EBF2: variants seen among roughly 807,000 people sequenced by gnomAD.
EBF2 encodes the protein transcription factor COE2.
In EBF2, 21 loss-of-function variants were observed where a neutral mutation model predicts 72.8. That is an observed-to-expected ratio of 0.29 (90% CI 0.20 to 0.42). The LOEUF is 0.42. Among genes scored for constraint, EBF2 ranks in the 10% least tolerant of loss-of-function variants. EBF2 has a pLI of 1.00. For missense variants in EBF2, 637 were observed against 731.2 expected, an observed-to-expected ratio of 0.87 and a Z score of 1.49; for synonymous variants, 299 against 274.2, an observed-to-expected ratio of 1.09 and a Z score of -0.89.
At chr8:25,917,620 T>C (rs1474434651) in intron 6 of EBF2, among the ~76,000 whole-genome samples, 1 of 152,244 alleles carries the variant, frequency 6.6e-6, no homozygotes, top group Non-Finnish European at 1.5e-5. Context: ...TCCGTGAGAC[T>C]TCAGAATCAG....
intron 6 of EBF2, among the ~76,000 whole-genome samples, chr8:26,019,378 G>T (rs139105112): frequency 4.8e-4 from 73 of 152,044 alleles, no homozygotes; most frequent in Non-Finnish European, 5.9e-4. Flanking sequence ...CAGGGAAAAC[G>T]CTCTGAAGAG....
At chr8:25,995,122 A>G (rs536606890) in intron 6 of EBF2, among the ~76,000 whole-genome samples, 23 of 152,114 alleles carry the variant, frequency 1.5e-4, no homozygotes, top group Non-Finnish European at 2.9e-4. Context: ...CCTGACCAAC[A>G]TGGAGAAACC....
At chr8:25,915,222 G>T (rs562813913) in intron 6 of EBF2, among the ~76,000 whole-genome samples, 38 of 152,064 alleles carry the variant, frequency 2.5e-4, no homozygotes, top group African/African-American at 7.5e-4. Flanking sequence ...AATAAGAGTG[G>T]AAGTAGTCTG....
intron 5 of EBF2, among the ~76,000 whole-genome samples, chr8:26,037,928 T>A (rs1485233448): frequency 6.6e-6 from 1 of 152,184 alleles, no homozygotes; most frequent in Non-Finnish European, 1.5e-5. Context: ...CATAAAACCA[T>A]CCGGGGAAGT....
At chr8:25,994,148 T>A (rs1057229929) in intron 6 of EBF2, among the ~76,000 whole-genome samples, 2 of 152,114 alleles carry the variant, frequency 1.3e-5, no homozygotes, top group Admixed American at 6.5e-5. Flanking sequence ...CCAATCAAAA[T>A]AGAGGTAAGC....
intron 6 of EBF2, among the ~76,000 whole-genome samples, chr8:25,939,297 C>G (rs2117154718): frequency 6.6e-6 from 1 of 152,268 alleles, no homozygotes; most frequent in East Asian, 1.9e-4. Flanking sequence ...ATTTTCCTGA[C>G]ATTGTTTCAA....
chr8:25,907,973 C>T (rs964282492), intron 7 of EBF2, among the ~76,000 whole-genome samples: 1 of 152,186 alleles, frequency 6.6e-6, no homozygotes, highest in Non-Finnish European at 1.5e-5. Flanking sequence ...TGCCAGGCAG[C>T]TGGGTCACCG....
In EBF2 at chr8:26,044,804, A is replaced by C; in HGVS notation, c.56T>G (p.Leu19Arg). ...CCTGACCGAATCCATCTCCGCGCCCAGCGATTTCTCTTTCAGAGTTGGTCC... is the reference window on the plus strand; with the variant it reads ...CCTGACCGAATCCATCTCCGCGCCCCGCGATTTCTCTTTCAGAGTTGGTCC... The part of the protein sequence containing the change: ...GRGPTLKEKS[L>R]GAEMDSVRSW... Residue 19 changes from leucine (L) to arginine (R), a missense_variant, in exon 1 of 16, where the codon CTG (leucine) becomes CGG (arginine). Coordinates refer to ENST00000520164, the MANE Select transcript of EBF2 (RefSeq NM_022659.4). This position sits in a 1 kb window ranked among gnomAD's most constrained non-coding sequence, Gnocchi z 4.1. The C allele has an allele frequency of 2.5e-6, 4 of 1,614,158 alleles. No individual in the cohort carries two copies. The highest frequency in any genetic ancestry group is 1.6e-4 in the Middle Eastern group (1 of 6,062).
At chr8:26,027,675 C>A (rs1481166699) in intron 6 of EBF2, among the ~76,000 whole-genome samples, 1 of 75,890 alleles carries the variant, frequency 1.3e-5, no homozygotes, top group East Asian at 4.1e-4. Context: ...ATACTCATGT[C>A]CACAGCAACA....
rs568102646 is a variant in EBF2 at position 26,042,870 on chromosome 8, C to T, written c.132-619G>A. On this transcript the variant is annotated intron_variant, in intron 1 of 15. Coordinates refer to ENST00000520164, the MANE Select transcript of EBF2 (RefSeq NM_022659.4). ...GTCTGGGTCCTTGGGCTGCTTGCCT[C>T]GCTCTTCCGAAAAGTTGTGCCTGGG... Among the ~76,000 whole-genome samples, 17 of 152,286 alleles carry T rather than the reference C, an allele frequency of 1.1e-4. No individual in the cohort carries two copies. The South Asian group carries it at 1.9e-3, about 17-fold the overall frequency.
intron 6 of EBF2, among the ~76,000 whole-genome samples, chr8:25,913,964 T>C (rs903816224): frequency 1.3e-5 from 2 of 152,190 alleles, no homozygotes; most frequent in African/African-American, 4.8e-5. Flanking sequence ...AACACTCTCA[T>C]ACCATTTCTG....
intron 6 of EBF2, among the ~76,000 whole-genome samples, chr8:25,960,989 A>G (rs970919062): frequency 6.6e-6 from 1 of 152,206 alleles, no homozygotes; most frequent in African/African-American, 2.4e-5. Flanking sequence ...GTATGTGTGT[A>G]TTCATAAGTA....
intron 15 of EBF2, among the ~76,000 whole-genome samples, chr8:25,847,873 C>G (rs1360300775): frequency 2.0e-5 from 3 of 152,076 alleles, no homozygotes; most frequent in African/African-American, 7.2e-5. Flanking sequence ...TCCTCCCCGA[C>G]CTACTCCAAA....
rs1336999681 is a variant in EBF2 at position 26,040,644 on chromosome 8, A to G, written c.380T>C (p.Val127Ala). 5 of 1,555,216 alleles carry G rather than the reference A, an allele frequency of 3.2e-6. No homozygotes were observed. Among genetic ancestry groups the G allele is most frequent in the African/African-American group, 1.4e-5 (1 of 73,228 alleles). ...CTTGGTGACCGAGTCGATGAGCCTG[A>G]CATAGAGGTCCTGTTCCGTGCGGAC... ...NGVRTEQDLY[V>A]RLIDSVTKQP... Residue 127 changes from valine (V) to alanine (A), a missense_variant, in exon 4 of 16, where the codon GTC (valine) becomes GCC (alanine). By Grantham distance (64) the Val-to-Ala change is moderately conservative. Transcript: ENST00000520164.
intron 6 of EBF2, among the ~76,000 whole-genome samples, chr8:25,971,963 T>C (rs986100362): frequency 2.6e-5 from 4 of 152,120 alleles, no homozygotes; most frequent in Admixed American, 6.5e-5. Flanking sequence ...GGGCGCATTG[T>C]TCCCCTTTCG....
intron 10 of EBF2, among the ~76,000 whole-genome samples, chr8:25,880,800 C>T (rs998758453): frequency 2.6e-5 from 4 of 152,104 alleles, no homozygotes; most frequent in East Asian, 1.9e-4. Flanking sequence ...ATTCATTAAT[C>T]GACATCTTTA....
chr8:26,010,624 A>T (rs1471116213), intron 6 of EBF2, among the ~76,000 whole-genome samples: 1 of 152,212 alleles, frequency 6.6e-6, no homozygotes, highest in Non-Finnish European at 1.5e-5. Context: ...GCCGTGCTGC[A>T]GCTTGAGAGC....
chr8:25,978,423 C>T (rs1804302721), intron 6 of EBF2, among the ~76,000 whole-genome samples: 1 of 152,196 alleles, frequency 6.6e-6, no homozygotes, highest in Non-Finnish European at 1.5e-5. Flanking sequence ...AGCTGCGGAT[C>T]TCCAAGTTGC....
intron 15 of EBF2, among the ~76,000 whole-genome samples, chr8:25,845,515 T>A (rs1230409863): frequency 6.6e-6 from 1 of 152,200 alleles, no homozygotes; most frequent in Non-Finnish European, 1.5e-5. Flanking sequence ...CATGAGCCAC[T>A]GTACTCAGCC....
Sources: gnomAD v4.1 joint callset for allele counts (sites outside exome capture counted in the v4.1 genomes callset) on GRCh38, gnomAD v4.1.1 for gene constraint, Gnocchi (gnomAD v3.1) non-coding constraint, MANE v1.5 for transcripts, NCBI Gene and HGNC (gene_info 2026-07-23, HGNC 2026-07-21) for gene names.